ZFHX3: variants seen among roughly 807,000 people sequenced by gnomAD.
The protein encoded by ZFHX3 is zinc finger homeobox 3.
A neutral mutation model predicts 279.1 loss-of-function variants in ZFHX3; 42 were observed. The ratio of observed to expected loss-of-function variants is 0.15; its 90% CI spans 0.12 to 0.19. The LOEUF (loss-of-function observed/expected upper bound fraction) is 0.19, where lower values mean the gene tolerates loss of function less well. Among genes scored for constraint, ZFHX3 ranks in the 10% least tolerant of loss-of-function variants. The pLI is 1.00. For missense variants in ZFHX3, 4,981 were observed against 4,754.0 expected (o/e 1.05, Z -1.40); for synonymous variants, 2,293 against 1,957.8 (o/e 1.17, Z -4.52).
At chr16:73,453,490 T>A (rs2143564105) in intron 3 of ZFHX3, among the ~76,000 whole-genome samples, 1 of 152,326 alleles carries the variant, frequency 6.6e-6, no homozygotes, top group East Asian at 1.9e-4. Context: ...ACACTCAAGC[T>A]GGTCACCTAA....
intron 1 of ZFHX3, among the ~76,000 whole-genome samples, chr16:73,766,313 T>A (rs926087734): frequency 1.3e-5 from 2 of 152,222 alleles, no homozygotes; most frequent in African/African-American, 2.4e-5. Flanking sequence ...ATATTTTAAC[T>A]TAAAATCTCT....
At chr16:73,076,893 G>GCACACACACACA (rs57770164) in intron 8 of ZFHX3, among the ~76,000 whole-genome samples, 1 of 149,864 alleles carries the variant, frequency 6.7e-6, no homozygotes, top group African/African-American at 2.5e-5. Flanking sequence ...ATATGTATAC[G>GCACACACACACA]CACACACACA....
rs1445554509 is a variant in ZFHX3, at chr16:73,362,831, CAG to C, written c.-1290-44497_-1290-44496del. Among the ~76,000 whole-genome samples the C allele has an allele frequency of 2.6e-5, 4 of 152,182 alleles. 1 individual carries two copies. The highest frequency in any genetic ancestry group is 2.0e-4 in the Admixed American group (3 of 15,286). On this transcript the variant is annotated intron_variant, in intron 3 of 17. Coordinates refer to the ZFHX3 transcript ENST00000641206. Reference sequence around the variant, plus strand: ...TGAATTAGGAAGCTAAAATAGCAAACAGAGTACGGTCAAACAAAACTCCTGGC... The same window carrying C: ...TGAATTAGGAAGCTAAAATAGCAAACAGTACGGTCAAACAAAACTCCTGGC...
In ZFHX3 at chr16:73,780,630, C is replaced by T. The variant is rs147747485; in HGVS notation, c.-1607-100390G>A. Among the ~76,000 whole-genome samples, 1,254 of 150,046 alleles carry T rather than the reference C, an allele frequency of 8.4e-3. 19 individuals are homozygous for T. Among genetic ancestry groups the T allele is most frequent in the African/African-American group, 0.028 (1,145 of 40,768 alleles). On this transcript the variant is annotated intron_variant, in intron 1 of 17. Coordinates refer to the ZFHX3 transcript ENST00000641206. Reference sequence around the variant, plus strand: ...CTAATTTTTGTATTTTTAATAGAGACGAGGTTTCGCCATGTTAGCCAGGCT... The same window carrying T: ...CTAATTTTTGTATTTTTAATAGAGATGAGGTTTCGCCATGTTAGCCAGGCT...
chr16:73,350,554 G>C (rs908707365), intron 3 of ZFHX3, among the ~76,000 whole-genome samples: 7 of 152,160 alleles, frequency 4.6e-5, no homozygotes, highest in African/African-American at 1.7e-4. Context: ...ACAACTTCAG[G>C]CATGGTGAAG....
At chr16:72,914,781 A>G (rs377207114) in intron 3 of ZFHX3, among the ~76,000 whole-genome samples, 6 of 152,284 alleles carry the variant, frequency 3.9e-5, no homozygotes, top group African/African-American at 1.4e-4. Context: ...ACTTGAGGTC[A>G]GGACTTTGAG....
intron 1 of ZFHX3, among the ~76,000 whole-genome samples, chr16:72,989,775 A>G (rs1227521099): frequency 1.3e-5 from 2 of 152,262 alleles, no homozygotes; most frequent in Non-Finnish European, 2.9e-5. Flanking sequence ...AATCCATTCC[A>G]GCTCCACCCT....
chr16:73,292,471 C>A (rs2014796886), intron 4 of ZFHX3, among the ~76,000 whole-genome samples: 1 of 152,140 alleles, frequency 6.6e-6, no homozygotes, highest in South Asian at 2.1e-4. Context: ...ATAGAAATGC[C>A]AGGTTTTATT....
intron 1 of ZFHX3, among the ~76,000 whole-genome samples, chr16:72,970,668 G>A (rs779418645): frequency 9.2e-5 from 14 of 152,060 alleles, no homozygotes; most frequent in South Asian, 2.1e-4. Context: ...CGGCTAAACC[G>A]GACACCTTCT....
Position 73,462,215 on chromosome 16 carries a change from A to G in ZFHX3, c.-1546-5957T>C, listed in dbSNP as rs540167101. On this transcript the variant is annotated intron_variant, in intron 2 of 17. Transcript: ENST00000641206. The stretch of plus-strand genomic sequence containing the variant: ...GTGTAAGTTTATCTTATGCCCTGTG[A>G]CTTTGTTGAAGTAACTTATTCATTC... Among the ~76,000 whole-genome samples, 3 of 152,202 alleles carry G rather than the reference A, an allele frequency of 2.0e-5. No homozygotes were observed. The South Asian group carries it at 6.2e-4, about 32-fold the overall frequency.
chr16:72,884,109 G>A (rs1409347284), intron 4 of ZFHX3, among the ~76,000 whole-genome samples: 1 of 152,016 alleles, frequency 6.6e-6, no homozygotes, highest in Non-Finnish European at 1.5e-5. Flanking sequence ...TGAGAAAGCT[G>A]AAGACAGTAT....
upstream of ZFHX3, among the ~76,000 whole-genome samples, chr16:73,052,743 A>G (rs914724405): frequency 6.6e-6 from 1 of 152,242 alleles, no homozygotes; most frequent in African/African-American, 2.4e-5. Context: ...GGTTAAAAAA[A>G]TAGGACAAAT....
At chr16:73,340,027 C>A (rs1333344787) in intron 3 of ZFHX3, among the ~76,000 whole-genome samples, 1 of 152,190 alleles carries the variant, frequency 6.6e-6, no homozygotes, top group African/African-American at 2.4e-5. Context: ...AAAGAGAGAG[C>A]TCCTAGCACC....
intron 7 of ZFHX3, among the ~76,000 whole-genome samples, chr16:73,117,501 G>C (rs1966446167): frequency 6.6e-6 from 1 of 152,192 alleles, no homozygotes; most frequent in Admixed American, 6.6e-5. Flanking sequence ...CAAAACCTCT[G>C]ACTATGGTTA....
intron 2 of ZFHX3, among the ~76,000 whole-genome samples, chr16:73,631,077 C>T (rs771938853): frequency 6.6e-6 from 1 of 152,112 alleles, no homozygotes; most frequent in Non-Finnish European, 1.5e-5. Flanking sequence ...AGGCCTGATT[C>T]CTGAGATGGG....
At chr16:73,753,323 G>C (rs937088086) in intron 1 of ZFHX3, among the ~76,000 whole-genome samples, 1 of 152,118 alleles carries the variant, frequency 6.6e-6, no homozygotes, top group Non-Finnish European at 1.5e-5. Context: ...GCAATCCCTA[G>C]CTGCCCTCAT....
chr16:73,473,167 C>T (rs764517268), intron 2 of ZFHX3, among the ~76,000 whole-genome samples: 2 of 150,986 alleles, frequency 1.3e-5, no homozygotes, highest in Non-Finnish European at 3.0e-5. Context: ...ATAGCAAGAC[C>T]CTATCTCTAC....
At chr16:73,688,684 C>A (rs1445855472) in intron 1 of ZFHX3, among the ~76,000 whole-genome samples, 1 of 152,100 alleles carries the variant, frequency 6.6e-6, no homozygotes, top group African/African-American at 2.4e-5. Flanking sequence ...TTCATAGCAG[C>A]CCTGATATGG....
chr16:73,134,180 C>T (rs1391836777), intron 6 of ZFHX3, among the ~76,000 whole-genome samples: 1 of 151,974 alleles, frequency 6.6e-6, no homozygotes, highest in East Asian at 1.9e-4. Context: ...CGATTTGAAC[C>T]CAGCAAGTCT....
Sources: gnomAD v4.1 joint callset for allele counts (sites outside exome capture counted in the v4.1 genomes callset) on GRCh38, gnomAD v4.1.1 for gene constraint, MANE v1.5 for transcripts, NCBI Gene and HGNC (gene_info 2026-07-23, HGNC 2026-07-21) for gene names.